Variants in SLC25A21 observed in about 807,000 individuals in gnomAD.
SLC25A21 encodes the protein solute carrier family 25 member 21.
Under a neutral mutation model 43.8 loss-of-function variants are expected in SLC25A21, and 47 were observed. That is an observed-to-expected ratio of 1.07 (90% CI 0.85 to 1.37). The LOEUF is 1.37. SLC25A21 is among the 40% of genes most tolerant of loss of function. The pLI is 0.00. For missense variants in SLC25A21, 352 were observed against 350.2 expected (o/e 1.00, Z -0.04); for synonymous variants, 131 against 121.3 (o/e 1.08, Z -0.52).
intron 1 of SLC25A21, among the ~76,000 whole-genome samples, chr14:37,091,433 C>CAA (rs1229828371): frequency 3.8e-5 from 4 of 105,042 alleles, no homozygotes; most frequent in Non-Finnish European, 8.1e-5. Context: ...GACTCAGTCT[C>CAA]AAAAAAAAAA....
chr14:36,731,635 T>C (rs985323022), intron 4 of SLC25A21, among the ~76,000 whole-genome samples: 5 of 152,212 alleles, frequency 3.3e-5, no homozygotes, highest in African/African-American at 9.6e-5. Flanking sequence ...CTGGTGGGAA[T>C]AGGCACTATT....
rs35229698 is a variant in SLC25A21, at chr14:36,873,171, TAAG to T, written c.119+1782_119+1784del. On this transcript the variant is annotated intron_variant, in intron 2 of 9. Transcript: ENST00000331299. ...TCTCAAAGAAGGTTAACATGGAATC[TAAG>T]AAGGAAATCCCAGGGAGTTTTGCTT... Among the ~76,000 whole-genome samples the T allele has an allele frequency of 6.7e-3, 1,021 of 152,338 alleles. 17 individuals are homozygous for T. The highest frequency in any genetic ancestry group is 0.024 in the African/African-American group (980 of 41,580).
chr14:36,950,676 C>T (rs947304845), intron 1 of SLC25A21, among the ~76,000 whole-genome samples: 2 of 152,194 alleles, frequency 1.3e-5, no homozygotes, highest in Admixed American at 1.3e-4. Flanking sequence ...GACATAGCCC[C>T]TGGCTACTGG....
intron 1 of SLC25A21, among the ~76,000 whole-genome samples, chr14:37,128,429 T>C (rs1963332662): frequency 6.6e-6 from 1 of 152,188 alleles, no homozygotes; most frequent in South Asian, 2.1e-4. Flanking sequence ...AATTGTGTTA[T>C]TTCGATGTGT....
chr14:36,980,966 T>C (rs900949033), intron 1 of SLC25A21, among the ~76,000 whole-genome samples: 39 of 152,070 alleles, frequency 2.6e-4, no homozygotes, highest in African/African-American at 8.2e-4. Context: ...ATATCCAGAA[T>C]CTACAAAGAA....
chr14:36,948,230 G>T (rs1892721538), intron 1 of SLC25A21, among the ~76,000 whole-genome samples: 1 of 152,150 alleles, frequency 6.6e-6, no homozygotes, highest in Admixed American at 6.5e-5. Flanking sequence ...AAAGTCAGTG[G>T]CTTCGATTTT....
chr14:36,837,965 G>C (rs1889264364), intron 2 of SLC25A21, among the ~76,000 whole-genome samples: 1 of 152,216 alleles, frequency 6.6e-6, no homozygotes, highest in South Asian at 2.1e-4. Context: ...CAGGAACCAA[G>C]TCATCACCAC....
chr14:36,802,592 C>A (rs750195737), intron 3 of SLC25A21, among the ~76,000 whole-genome samples: 17 of 152,122 alleles, frequency 1.1e-4, no homozygotes, highest in Non-Finnish European at 2.4e-4. Context: ...GAATTCTAAT[C>A]CAGGTCTCTT....
At chr14:36,706,233 G>A (rs1883558823) in intron 7 of SLC25A21, among the ~76,000 whole-genome samples, 1 of 151,912 alleles carries the variant, frequency 6.6e-6, no homozygotes, top group Non-Finnish European at 1.5e-5. Context: ...CACATCATCG[G>A]GACCATCTCA....
Position 36,684,831 on chromosome 14 carries a change from C to T in SLC25A21, c.698G>A (p.Ser233Asn). 1 of 1,614,076 alleles carries T rather than the reference C, an allele frequency of 6.2e-7. No homozygotes were observed. Among genetic ancestry groups the T allele is most frequent in the Non-Finnish European group, 8.5e-7 (1 of 1,180,004 alleles). ...VINIPFDVAK[S>N]RIQGPQPVPG... ...AACTGGTTGAGGCCCTTGAATCCTACTTTTGGCAACATCAAAAGGGATGTT... is the reference window on the plus strand; with the variant it reads ...AACTGGTTGAGGCCCTTGAATCCTATTTTTGGCAACATCAAAAGGGATGTT... Residue 233 changes from serine (S) to asparagine (N), a missense_variant, in exon 8 of 10, where the codon AGT (serine) becomes AAT (asparagine). By Grantham distance (46) the Ser-to-Asn change is conservative. Transcript: ENST00000331299.
chr14:36,719,861 G>C (rs1884305522), intron 6 of SLC25A21, among the ~76,000 whole-genome samples: 1 of 152,220 alleles, frequency 6.6e-6, no homozygotes, highest in Non-Finnish European at 1.5e-5. Context: ...TCAGAGAGGA[G>C]AGCCCGGGGC....
chr14:36,963,673 G>A lies in SLC25A21; in HGVS notation c.71-88669C>T, dbSNP rs1156812831. Among the ~76,000 whole-genome samples, 3 of 152,154 alleles carry A rather than the reference G, an allele frequency of 2.0e-5. No homozygotes were observed. The East Asian group carries it at 5.8e-4, about 29-fold the overall frequency. ...ACATGAGCTGCCGAAGATTCATGCA[G>A]AGAAGTGCATCTATCCTTACTTAGC... On this transcript the variant is annotated intron_variant, in intron 1 of 9. Coordinates refer to ENST00000331299, the MANE Select transcript of SLC25A21 (RefSeq NM_030631.4).
At chr14:37,011,666 C>T (rs928141030) in intron 1 of SLC25A21, among the ~76,000 whole-genome samples, 4 of 151,394 alleles carry the variant, frequency 2.6e-5, no homozygotes, top group Admixed American at 6.6e-5. Flanking sequence ...TCAGCTAATA[C>T]GTTTATAGAG....
In SLC25A21 at chr14:36,704,940, C is replaced by G. The variant is rs566312865; in HGVS notation, c.603+6378G>C. On this transcript the variant is annotated intron_variant, in intron 7 of 9. Transcript: ENST00000331299. ...AATAGCATAAAGTGCCACAGAAAGT[C>G]GGGATATTTTTCTGTGATAACTTAA... Among the ~76,000 whole-genome samples the G allele has an allele frequency of 2.6e-5, 4 of 152,172 alleles. 1 individual carries two copies. Among genetic ancestry groups the G allele is most frequent in the African/African-American group, 7.2e-5 (3 of 41,510 alleles).
intron 1 of SLC25A21, among the ~76,000 whole-genome samples, chr14:37,118,028 T>C (rs1371283085): frequency 6.6e-6 from 1 of 151,812 alleles, no homozygotes; most frequent in Non-Finnish European, 1.5e-5. Context: ...ATAATAGCCC[T>C]CCCCAGAAAC....
At chr14:36,758,955 G>A (rs1433803644) in intron 3 of SLC25A21, among the ~76,000 whole-genome samples, 2 of 152,210 alleles carry the variant, frequency 1.3e-5, no homozygotes, top group Non-Finnish European at 1.5e-5. Flanking sequence ...CCATGTCAAA[G>A]GAGGCTGCAG....
chr14:36,730,939 A>G (rs989019957), intron 4 of SLC25A21, among the ~76,000 whole-genome samples: 9 of 151,550 alleles, frequency 5.9e-5, no homozygotes, highest in African/African-American at 2.2e-4. Flanking sequence ...ACTAGAAACC[A>G]TTAACCATGG....
intron 1 of SLC25A21, among the ~76,000 whole-genome samples, chr14:36,973,463 G>A (rs767586068): frequency 2.5e-4 from 38 of 152,184 alleles, no homozygotes; most frequent in Admixed American, 1.4e-3. Context: ...AAAAGTTGCA[G>A]CTAGGATGAC....
intron 3 of SLC25A21, among the ~76,000 whole-genome samples, chr14:36,800,208 CT>C (rs1452382030): frequency 2.6e-5 from 4 of 152,110 alleles, no homozygotes; most frequent in Non-Finnish European, 5.9e-5. Context: ...CTCTAGCAAT[CT>C]CACTTCTGGG....
Sources: allele counts gnomAD v4.1 joint callset (sites outside exome capture counted in the v4.1 genomes callset), GRCh38; gene constraint gnomAD v4.1.1; transcripts MANE v1.5; gene names NCBI Gene and HGNC (gene_info 2026-07-23, HGNC 2026-07-21).